Variants in PPP2R2B observed in about 807,000 individuals in gnomAD.
PPP2R2B encodes the protein serine/threonine-protein phosphatase 2A 55 kDa regulatory subunit B beta isoform.
Under a neutral mutation model 46.0 loss-of-function variants are expected in PPP2R2B, and 5 were observed. The ratio of observed to expected loss-of-function variants is 0.11; its 90% CI spans 0.06 to 0.23. PPP2R2B has a LOEUF of 0.23. PPP2R2B is among the 10% of genes least tolerant of loss of function. The probability of loss-of-function intolerance (pLI) is 1.00; values close to 1 mark genes in which losing one functional copy is unlikely to be tolerated. For missense variants in PPP2R2B, 367 were observed against 575.0 expected, an observed-to-expected ratio of 0.64 and a Z score of 3.70; for synonymous variants, 215 against 206.7, an observed-to-expected ratio of 1.04 and a Z score of -0.34.
intron 2 of PPP2R2B, among the ~76,000 whole-genome samples, chr5:146,736,585 G>A (rs927048820): frequency 6.6e-6 from 1 of 152,146 alleles, no homozygotes; most frequent in African/African-American, 2.4e-5. Context: ...AATCATAGCA[G>A]CCATCGTAAG....
At chr5:146,720,542 G>A (rs937529578) in intron 2 of PPP2R2B, among the ~76,000 whole-genome samples, 9 of 152,118 alleles carry the variant, frequency 5.9e-5, no homozygotes, top group East Asian at 1.9e-4. Context: ...GGAAGATGTC[G>A]AACACTGTTG....
Position 147,005,917 on chromosome 5 carries a change from G to A in PPP2R2B, c.79+49748C>T, listed in dbSNP as rs1345932663. ...TAATTGATAATTGAGGGTCTTCTCTGTAACCCTATAACACTTCAATACCAC... is the reference window on the plus strand; with the variant it reads ...TAATTGATAATTGAGGGTCTTCTCTATAACCCTATAACACTTCAATACCAC... On this transcript the variant is annotated intron_variant, in intron 1 of 8. Coordinates refer to the PPP2R2B transcript ENST00000336640. Among the ~76,000 whole-genome samples the A allele has an allele frequency of 3.9e-5, 6 of 152,174 alleles. No individual in the cohort carries two copies. In the East Asian group the frequency reaches 5.8e-4, roughly 15 times the overall value.
At chr5:146,793,314 C>G (rs1756328988) in intron 2 of PPP2R2B, among the ~76,000 whole-genome samples, 1 of 152,054 alleles carries the variant, frequency 6.6e-6, no homozygotes, top group Non-Finnish European at 1.5e-5. Flanking sequence ...ATTAGACATC[C>G]AAATAGAAAT....
At chr5:146,857,674 T>C (rs1439832240) in intron 2 of PPP2R2B, among the ~76,000 whole-genome samples, 1 of 151,304 alleles carries the variant, frequency 6.6e-6, no homozygotes, top group Non-Finnish European at 1.5e-5. Flanking sequence ...TTAAGACATA[T>C]ACATAACTGT....
chr5:147,036,731 T>C (rs555190946), intron 1 of PPP2R2B, among the ~76,000 whole-genome samples: 23 of 152,324 alleles, frequency 1.5e-4, no homozygotes, highest in African/African-American at 4.1e-4. Context: ...TGGTATTTCA[T>C]TGTGGTTTTG....
At chr5:146,910,096 A>G (rs1763127027) in intron 1 of PPP2R2B, among the ~76,000 whole-genome samples, 1 of 152,184 alleles carries the variant, frequency 6.6e-6, no homozygotes, top group African/African-American at 2.4e-5. Context: ...GGATTCTACA[A>G]CTTATCAGTT....
chr5:147,040,458 GA>G (rs1377812236), intron 1 of PPP2R2B, among the ~76,000 whole-genome samples: 1 of 152,138 alleles, frequency 6.6e-6, no homozygotes, highest in Non-Finnish European at 1.5e-5. Context: ...AGCAGGTACA[GA>G]AAGCTTAGCC....
chr5:146,939,982 A>G (rs1764270089), intron 1 of PPP2R2B, among the ~76,000 whole-genome samples: 1 of 152,118 alleles, frequency 6.6e-6, no homozygotes, highest in African/African-American at 2.4e-5. Flanking sequence ...GTAATCTTTG[A>G]ATATTTACAT....
At chr5:146,860,143 C>T (rs915452171) in intron 2 of PPP2R2B, among the ~76,000 whole-genome samples, 3 of 152,228 alleles carry the variant, frequency 2.0e-5, no homozygotes, top group African/African-American at 7.2e-5. Context: ...CACCACCATC[C>T]TGCTTTTCCT....
chr5:146,917,013 A>G (rs1763412357), intron 1 of PPP2R2B, among the ~76,000 whole-genome samples: 1 of 152,198 alleles, frequency 6.6e-6, no homozygotes, highest in Non-Finnish European at 1.5e-5. Context: ...TAAAGTACAT[A>G]ATGTGTGGCA....
At chr5:146,908,706 AGT>A (rs1419157485) in intron 1 of PPP2R2B, among the ~76,000 whole-genome samples, 2 of 152,142 alleles carry the variant, frequency 1.3e-5, no homozygotes, top group African/African-American at 4.8e-5. Context: ...TACACTAGTC[AGT>A]GTCAGACCTA....
intron 2 of PPP2R2B, among the ~76,000 whole-genome samples, chr5:146,761,398 G>A (rs1754155574): frequency 1.3e-5 from 2 of 152,084 alleles, no homozygotes; most frequent in South Asian, 4.1e-4. Context: ...ATCATTCTCA[G>A]CAAACTATCA....
intron 2 of PPP2R2B, among the ~76,000 whole-genome samples, chr5:146,727,881 C>T (rs777751371): frequency 2.2e-4 from 33 of 152,086 alleles, no homozygotes; most frequent in Admixed American, 5.9e-4. Flanking sequence ...CCCCCAACTC[C>T]GAAAACCAGC....
At position 147,025,745 on chromosome 5, in the gene PPP2R2B, T is replaced by C. The variant is rs576344856; in HGVS notation, c.79+29920A>G. ...AATTATAAGAAAGCAAACAATCCAATTGAAAGATGGGCAAAATATTTGAAC... is the reference window on the plus strand; with the variant it reads ...AATTATAAGAAAGCAAACAATCCAACTGAAAGATGGGCAAAATATTTGAAC... On this transcript the variant is annotated intron_variant, in intron 1 of 8. Transcript: ENST00000336640. Among the ~76,000 whole-genome samples, 22 of 152,034 alleles carry C rather than the reference T, an allele frequency of 1.4e-4. No individual in the cohort carries two copies. The South Asian group carries it at 2.7e-3, about 19-fold the overall frequency.
chr5:146,712,548 A>G (rs991952277), intron 2 of PPP2R2B, among the ~76,000 whole-genome samples: 1 of 152,240 alleles, frequency 6.6e-6, no homozygotes, highest in Non-Finnish European at 1.5e-5. Flanking sequence ...ATGGTCATGT[A>G]GCAGTTTAGA....
intron 7 of PPP2R2B, among the ~76,000 whole-genome samples, chr5:146,608,344 C>CA (rs149739920): frequency 0.013 from 1,928 of 152,290 alleles, 42 homozygotes; most frequent in African/African-American, 0.044. Flanking sequence ...ACTTAGGAGT[C>CA]AGACATATTG....
chr5:146,680,452 G>A (rs916712869), intron 5 of PPP2R2B, among the ~76,000 whole-genome samples: 2 of 151,454 alleles, frequency 1.3e-5, no homozygotes, highest in Admixed American at 1.3e-4. Flanking sequence ...GCTAGATGAC[G>A]AGTTAGTGGG....
intron 5 of PPP2R2B, 102 bp downstream of exon 5, chr5:146,691,026 A>T: frequency 1.1e-6 from 1 of 939,848 alleles, no homozygotes; most frequent in Non-Finnish European, 1.6e-6. Flanking sequence ...ACGTTCCCTC[A>T]CTGGCCCATT....
chr5:146,820,701 A>G (rs1283201884), intron 2 of PPP2R2B, among the ~76,000 whole-genome samples: 1 of 152,158 alleles, frequency 6.6e-6, no homozygotes, highest in African/African-American at 2.4e-5. Flanking sequence ...TCCATGTGGA[A>G]CGTCAGGCTG....
Sources: allele counts gnomAD v4.1 joint callset (sites outside exome capture counted in the v4.1 genomes callset), GRCh38; gene constraint gnomAD v4.1.1; transcripts MANE v1.5; gene names NCBI Gene and HGNC (gene_info 2026-07-23, HGNC 2026-07-21).